STRADA: variants seen among roughly 807,000 people sequenced by gnomAD.
The protein encoded by STRADA is STE20 related adaptor alpha.
A neutral mutation model predicts 55.0 loss-of-function variants in STRADA; 26 were observed. That is an observed-to-expected ratio of 0.47 (90% confidence interval 0.35 to 0.66). The LOEUF is 0.66. Among genes scored for constraint, STRADA ranks in the 30% least tolerant of loss-of-function variants. The probability of loss-of-function intolerance (pLI) is 0.01; values close to 1 mark genes in which losing one functional copy is unlikely to be tolerated. For synonymous variants in STRADA, 197 were observed against 210.9 expected, an observed-to-expected ratio of 0.93 and a Z score of 0.57; for missense variants, 443 against 549.7, an observed-to-expected ratio of 0.81 and a Z score of 1.94.
rs183469596 is a variant in STRADA, at chr17:63,704,073, G to C, written c.1101-26C>G. The C allele has an allele frequency of 5.9e-4, 947 of 1,609,788 alleles. 8 individuals carry two copies. The African/African-American group carries it at 0.012, about 20-fold the overall frequency. On this transcript the variant is annotated intron_variant, in intron 11 of 12. Transcript: ENST00000336174. ...CTGGAGGGAAAGGGGAGGAGAGACC[G>C]CAGCATCACTGCCGTGTCCCCAGCT...
At chr17:63,723,448 C>G in intron 3 of STRADA, 122 bp from the exon 4 acceptor site, 1 of 1,181,044 alleles carries the variant, frequency 8.5e-7, no homozygotes, top group Non-Finnish European at 1.2e-6. Context: ...AAAGTCATTA[C>G]AGCAAAAAGT....
rs757823391 is a variant in STRADA at position 63,728,390 on chromosome 17, T to A, written c.-21A>T. The A allele has an allele frequency of 6.3e-7, 1 of 1,592,002 alleles. No individual in the cohort carries two copies. Among genetic ancestry groups the A allele is most frequent in the Admixed American group, 1.8e-5 (1 of 56,556 alleles). On this transcript the variant is annotated 5_prime_UTR_variant, in exon 2 of 13. Coordinates refer to ENST00000336174, the MANE Select transcript of STRADA (RefSeq NM_001003787.4). ...GACATGAGTTCCTACTGTGTAGGCC[T>A]ACTTCAGTTTCAAAAACTTAAACCT...
At chr17:63,714,169 T>C (rs1343588619) in intron 4 of STRADA, 61 bp from the exon 5 acceptor site, 2 of 1,302,198 alleles carry the variant, frequency 1.5e-6, no homozygotes, top group Admixed American at 3.5e-5. Context: ...GGGAGTGGGG[T>C]GAAGGTGGTA....
intron 10 of STRADA, 100 bp from the exon 11 acceptor site, chr17:63,704,682 A>T: frequency 6.6e-7 from 1 of 1,511,748 alleles, no homozygotes; most frequent in Admixed American, 2.1e-5. Context: ...TGTTCCCAAT[A>T]TGCAAATGTG....
At chr17:63,740,590 C>A (rs2038870140) in intron 1 of STRADA, among the ~76,000 whole-genome samples, 1 of 152,140 alleles carries the variant, frequency 6.6e-6, no homozygotes, top group Admixed American at 6.6e-5. Context: ...ACGTGTCAGG[C>A]ACTGTGCTAA....
chr17:63,710,594 A>G lies in STRADA; in HGVS notation c.478T>C (p.Cys160Arg). 8.1e-6 allele frequency: 13 copies of G among 1,614,098 alleles called. No individual in the cohort carries two copies. The highest frequency in any genetic ancestry group is 1.1e-5 in the Non-Finnish European group (13 of 1,179,946). The change falls in exon 8 of 13, where the codon TGT becomes CGT. Residue 160 changes from cysteine (C) to arginine (R), a missense_variant. Transcript: ENST00000336174. The stretch of plus-strand genomic sequence containing the variant: ...TTCATGCCATCCATGAAGTGTGTAC[A>G]GATGAGATCTTTTGCAGAACCTGCA... Reference protein sequence around the residue: ...MAYGSAKDLICTHFMDGMNEL... With the variant: ...MAYGSAKDLIRTHFMDGMNEL...
intron 1 of STRADA, among the ~76,000 whole-genome samples, chr17:63,733,256 T>G (rs2144254641): frequency 6.6e-6 from 1 of 152,348 alleles, no homozygotes; most frequent in South Asian, 2.1e-4. Flanking sequence ...TGAATCTTTA[T>G]CAGACTCCTC....
At chr17:63,706,797 G>C in intron 9 of STRADA, 58 bp from the exon 10 acceptor site, 1 of 1,372,276 alleles carries the variant, frequency 7.3e-7, no homozygotes, top group East Asian at 2.3e-5. Flanking sequence ...CTTAGAAAAA[G>C]GGTAGAACTA....
intron 3 of STRADA, 172 bp downstream of exon 3, chr17:63,726,466 T>G: frequency 1.7e-6 from 1 of 586,308 alleles, no homozygotes; most frequent in Non-Finnish European, 2.9e-6. Context: ...AATTGCCATG[T>G]TAGTCTTCAA....
intron 1 of STRADA, among the ~76,000 whole-genome samples, chr17:63,740,494 G>A (rs2038863033): frequency 6.6e-6 from 1 of 151,898 alleles, no homozygotes; most frequent in Non-Finnish European, 1.5e-5. Flanking sequence ...CCTGGGGGAC[G>A]AGGGCGAAAC....
At chr17:63,731,923 G>A (rs986182722) in intron 1 of STRADA, among the ~76,000 whole-genome samples, 4 of 152,128 alleles carry the variant, frequency 2.6e-5, no homozygotes, top group African/African-American at 4.8e-5. Flanking sequence ...AGAGTGCAGT[G>A]GCACAATCTC....
chr17:63,708,124 G>A (rs1309864935), intron 8 of STRADA, among the ~76,000 whole-genome samples: 2 of 152,012 alleles, frequency 1.3e-5, no homozygotes, highest in Admixed American at 6.6e-5. Context: ...TAAATGATCC[G>A]CCTGCTTTGG....
rs1476911545 is a variant in STRADA at position 63,728,442 on chromosome 17, T to A, written c.-44-29A>T. On this transcript the variant is annotated intron_variant, in intron 1 of 12. Transcript: ENST00000336174. ...AAAGGAAAATAGAAACAGGTTGAGT[T>A]AGCAAAAATCTCCTTATAGAGAAAT... The A allele has an allele frequency of 5.2e-6, 7 of 1,352,674 alleles. No individual in the cohort carries two copies. The South Asian group carries it at 8.9e-5, about 17-fold the overall frequency. 83.8% of individuals were successfully genotyped at this position (1,352,674 alleles called of 1,614,324 possible).
chr17:63,734,592 G>C (rs1413131333), intron 1 of STRADA, among the ~76,000 whole-genome samples: 1 of 152,016 alleles, frequency 6.6e-6, no homozygotes, highest in African/African-American at 2.4e-5. Flanking sequence ...AGCCGAGATT[G>C]CGCCACTGCA....
intron 10 of STRADA, chr17:63,705,242 A>G (rs1032336602): frequency 1.1e-4 from 43 of 402,812 alleles, no homozygotes; most frequent in Non-Finnish European, 1.7e-4. Context: ...GGCTATTTCG[A>G]TTTAAATGAG....
chr17:63,704,968 G>C (rs2035985709), intron 10 of STRADA: 1 of 1,458,656 alleles, frequency 6.9e-7, no homozygotes, highest in Non-Finnish European at 9.3e-7. Context: ...GCCATGCTCA[G>C]GTGGATCCGA....
At chr17:63,740,865 C>T (rs1268777937) in intron 1 of STRADA, among the ~76,000 whole-genome samples, 1 of 152,192 alleles carries the variant, frequency 6.6e-6, no homozygotes, top group Non-Finnish European at 1.5e-5. Flanking sequence ...AGCACTGTAA[C>T]TAAAGGCTGA....
At chr17:63,707,165 C>A in intron 9 of STRADA, 82 bp downstream of exon 9, 2 of 1,561,332 alleles carry the variant, frequency 1.3e-6, no homozygotes, top group South Asian at 1.2e-5. Context: ...AGGTTGAGAG[C>A]CCCCGACTCC....
chr17:63,740,143 T>TACACAC lies in STRADA; in HGVS notation c.-45+1597_-45+1598insGTGTGT, dbSNP rs763523792. Among the ~76,000 whole-genome samples the TACACAC allele has an allele frequency of 9.7e-3, 452 of 46,564 alleles. 9 individuals carry two copies. The highest frequency in any genetic ancestry group is 0.027 in the African/African-American group (297 of 10,824). 30.5% of individuals were successfully genotyped at this position (46,564 alleles called of 152,430 possible). ...ATATATATATACACATACATATATA[T>TACACAC]ATATACACACACACACACACACACA... On this transcript the variant is annotated intron_variant, in intron 1 of 12. Coordinates refer to ENST00000336174, the MANE Select transcript of STRADA (RefSeq NM_001003787.4).
Sources: gnomAD v4.1 joint callset for allele counts (sites outside exome capture counted in the v4.1 genomes callset) on GRCh38, gnomAD v4.1.1 for gene constraint, MANE v1.5 for transcripts, NCBI Gene and HGNC (gene_info 2026-07-23, HGNC 2026-07-21) for gene names.